The following VGLL4 variants were observed in gnomAD, a reference collection of about 807,000 sequenced individuals.
VGLL4 encodes vestigial like family member 4, also known as transcription cofactor vestigial-like protein 4.
In VGLL4, 7 loss-of-function variants were observed where a neutral mutation model predicts 21.0. The ratio of observed to expected loss-of-function variants is 0.33; its 90% CI spans 0.19 to 0.63. VGLL4 has a LOEUF of 0.63. VGLL4 is among the 20% of genes least tolerant of loss of function. The probability of loss-of-function intolerance (pLI) is 0.78; values close to 1 mark genes in which losing one functional copy is unlikely to be tolerated. For missense variants in VGLL4, 394 were observed against 425.7 expected, an observed-to-expected ratio of 0.93 and a Z score of 0.66; for synonymous variants, 222 against 173.2, an observed-to-expected ratio of 1.28 and a Z score of -2.21.
At position 11,600,365 on chromosome 3, in the gene VGLL4, A is replaced by T. The variant is rs966918729; in HGVS notation, c.272+1468T>A. 5.3e-5 allele frequency among the ~76,000 whole-genome samples: 7 copies of T among 133,034 alleles called. No individual in the cohort carries two copies. The East Asian group carries it at 6.2e-4, about 12-fold the overall frequency. The allele number at this position is 133,034 out of a possible 152,430, so 87.3% of individuals were successfully genotyped here. A position where few individuals can be genotyped will look rare whatever the true frequency, so the allele number is the denominator to read the frequency against. On this transcript the variant is annotated intron_variant, in intron 2 of 4. Transcript: ENST00000430365. ...CTTCCCCTTTCTTACTTATGAAAAG[A>T]AAAAGAAAAAAAAAAAAAGACCAAA...
intron 2 of VGLL4, among the ~76,000 whole-genome samples, chr3:11,664,778 G>A (rs368879902): frequency 2.6e-5 from 4 of 152,296 alleles, no homozygotes; most frequent in African/African-American, 9.6e-5. Context: ...AAGAGCTATA[G>A]TAACTATAAA....
chr3:11,668,916 C>CAG (rs78935601), intron 2 of VGLL4, among the ~76,000 whole-genome samples: 70,837 of 151,876 alleles, frequency 0.47, 17,430 homozygotes, highest in South Asian at 0.65. Flanking sequence ...ACACATTTTA[C>CAG]ATTTCATGCC....
intron 1 of VGLL4, among the ~76,000 whole-genome samples, chr3:11,626,177 A>G (rs953746275): frequency 1.3e-5 from 2 of 152,224 alleles, no homozygotes; most frequent in African/African-American, 4.8e-5. Context: ...AAGAATCTCA[A>G]TGAGCCCTGG....
At chr3:11,645,414 C>T (rs2075774361), upstream of VGLL4, among the ~76,000 whole-genome samples, 1 of 147,976 alleles carries the variant, frequency 6.8e-6, no homozygotes, top group Non-Finnish European at 1.5e-5. Context: ...CACGGTGAAA[C>T]CCCGTCTCTA....
At chr3:11,591,440 C>T (rs774485766) in intron 2 of VGLL4, among the ~76,000 whole-genome samples, 1 of 152,182 alleles carries the variant, frequency 6.6e-6, no homozygotes, top group Non-Finnish European at 1.5e-5. Flanking sequence ...CATTCTGTGT[C>T]GTCGTTTGGC....
At chr3:11,619,089 G>A (rs2075216837) in intron 1 of VGLL4, among the ~76,000 whole-genome samples, 1 of 152,194 alleles carries the variant, frequency 6.6e-6, no homozygotes, top group Admixed American at 6.5e-5. Context: ...TTATTATGAA[G>A]CCAAAGAAAG....
intron 1 of VGLL4, among the ~76,000 whole-genome samples, chr3:11,608,144 T>C (rs1002795920): frequency 6.6e-6 from 1 of 152,240 alleles, no homozygotes; most frequent in African/African-American, 2.4e-5. Context: ...ATCTTTCTTT[T>C]TCAAGAATAA....
intron 2 of VGLL4, among the ~76,000 whole-genome samples, chr3:11,659,970 G>A (rs1364213811): frequency 6.6e-6 from 1 of 152,034 alleles, no homozygotes; most frequent in Non-Finnish European, 1.5e-5. Context: ...AGACATCCTG[G>A]CTAACACGGT....
At position 11,558,686 on chromosome 3, in the gene VGLL4, G is replaced by A. The variant is rs765140042; in HGVS notation, c.761C>T (p.Thr254Met). ...CTTGGCCGCTTTGATCTGGAGCCAC[G>A]TGTCACCCAGAGCTTTGGCAAAGTG... ...DDHFAKALGD[T>M]WLQIKAAKDG... The change falls in exon 5 of 5, where the codon ACG becomes ATG. Residue 254 changes from threonine to methionine, a missense_variant. Thr to Met is a moderately conservative substitution (Grantham distance 81). Coordinates refer to ENST00000430365, the MANE Select transcript of VGLL4 (RefSeq NM_001128219.3). The A allele has an allele frequency of 1.7e-5, 28 of 1,613,786 alleles. No individual in the cohort carries two copies. Among genetic ancestry groups the A allele is most frequent in the Admixed American group, 8.3e-5 (5 of 60,014 alleles).
chr3:11,673,690 GA>G (rs1165763681), intron 2 of VGLL4, among the ~76,000 whole-genome samples: 19 of 152,134 alleles, frequency 1.2e-4, no homozygotes, highest in African/African-American at 4.3e-4. Context: ...AGTTTCCAGA[GA>G]GAAAAAACTG....
intron 2 of VGLL4, among the ~76,000 whole-genome samples, chr3:11,651,344 AAAAAAGAAAGAAAG>A (rs1249172431): frequency 2.0e-5 from 3 of 151,920 alleles, no homozygotes; most frequent in South Asian, 2.1e-4. Flanking sequence ...CTCAAAAAAA[AAAAAAGAAAGAAAG>A]AAAAAGAAAG....
chr3:11,643,898 C>T lies in VGLL4; in HGVS notation c.-380G>A. The stretch of plus-strand genomic sequence containing the variant: ...CTCACAGCCCGCTGCAAGCCGGCAG[C>T]GCTGACATGAGGGCTATGCTTGGCA... On this transcript the variant is annotated 5_prime_UTR_variant, in exon 1 of 5. Transcript: ENST00000430365. The T allele has an allele frequency of 9.7e-7, 1 of 1,027,360 alleles. No individual in the cohort carries two copies. Among genetic ancestry groups the T allele is most frequent in the East Asian group, 9.5e-5 (1 of 10,540 alleles). The allele number at this position is 1,027,360 out of a possible 1,614,324, so 63.6% of individuals were successfully genotyped here. A position where few individuals can be genotyped will look rare whatever the true frequency, so the allele number is the denominator to read the frequency against.
chr3:11,719,971 C>T lies in VGLL4; in HGVS notation c.-14+423G>A, dbSNP rs1311033780. Among the ~76,000 whole-genome samples, 1 of 152,176 alleles carries T rather than the reference C, an allele frequency of 6.6e-6. No homozygotes were observed. Among genetic ancestry groups the T allele is most frequent in the African/African-American group, 2.4e-5 (1 of 41,460 alleles). The stretch of plus-strand genomic sequence containing the variant: ...TCGCACGCCCCCGCCCCCGAGGCCC[C>T]GCCAGGGGACACAGCGCCGTGCAAA... On this transcript the variant is annotated intron_variant, in intron 1 of 5. Coordinates refer to the VGLL4 transcript ENST00000273038. This position sits in a 1 kb window ranked among gnomAD's most constrained non-coding sequence, Gnocchi z 4.0.
intron 2 of VGLL4, among the ~76,000 whole-genome samples, chr3:11,578,451 G>C (rs977791002): frequency 2.6e-5 from 4 of 152,108 alleles, no homozygotes; most frequent in African/African-American, 9.7e-5. Flanking sequence ...AGGTTGGTAG[G>C]AACCAGTTCG....
chr3:11,594,053 A>C (rs1197651998), intron 2 of VGLL4, among the ~76,000 whole-genome samples: 1 of 152,238 alleles, frequency 6.6e-6, no homozygotes, highest in Non-Finnish European at 1.5e-5. Flanking sequence ...ACGTGGGCTC[A>C]AACAGCACTT....
chr3:11,618,809 G>A (rs2075212059), intron 1 of VGLL4, among the ~76,000 whole-genome samples: 1 of 152,170 alleles, frequency 6.6e-6, no homozygotes, highest in Admixed American at 6.5e-5. Flanking sequence ...GAGTGTGAAG[G>A]TGAAGGAGGT....
intron 2 of VGLL4, among the ~76,000 whole-genome samples, chr3:11,582,088 G>A (rs1364870486): frequency 2.6e-5 from 4 of 152,322 alleles, no homozygotes; most frequent in South Asian, 4.1e-4. Flanking sequence ...AAATCTGATT[G>A]GGACAAGGTG....
intron 1 of VGLL4, among the ~76,000 whole-genome samples, chr3:11,608,727 T>G (rs553541577): frequency 8.5e-5 from 13 of 152,366 alleles, no homozygotes; most frequent in African/African-American, 3.1e-4. Flanking sequence ...ATTTTAATAT[T>G]GCTAAGACTG....
At chr3:11,655,654 G>T (rs1416353264) in intron 2 of VGLL4, among the ~76,000 whole-genome samples, 1 of 152,234 alleles carries the variant, frequency 6.6e-6, no homozygotes. Context: ...CCCACATAGG[G>T]TGGGGAGTGC....
Sources: allele counts gnomAD v4.1 joint callset (sites outside exome capture counted in the v4.1 genomes callset), GRCh38; gene constraint gnomAD v4.1.1; non-coding constraint Gnocchi (gnomAD v3.1); transcripts MANE v1.5; gene names NCBI Gene and HGNC (gene_info 2026-07-23, HGNC 2026-07-21).